The following GALNT13 variants were observed in gnomAD, a reference collection of about 807,000 sequenced individuals.
GALNT13 encodes the protein polypeptide N-acetylgalactosaminyltransferase 13.
In GALNT13, 28 loss-of-function variants were observed where a neutral mutation model predicts 64.2. The observed-to-expected ratio is 0.44, with a 90% CI of 0.32 to 0.60. The LOEUF (loss-of-function observed/expected upper bound fraction) is 0.60. Among genes scored for constraint, GALNT13 ranks in the 20% least tolerant of loss-of-function variants. The pLI is 0.05. For synonymous variants in GALNT13, 214 were observed against 224.6 expected, an observed-to-expected ratio of 0.95 and a Z score of 0.42; for missense variants, 577 against 669.8, an observed-to-expected ratio of 0.86 and a Z score of 1.53.
chr2:154,293,653 C>A (rs1160418775), intron 8 of GALNT13, among the ~76,000 whole-genome samples: 1 of 152,130 alleles, frequency 6.6e-6, no homozygotes, highest in Non-Finnish European at 1.5e-5. Context: ...CACAAGTATA[C>A]ATAGCATGTG....
chr2:153,862,139 A>G, the GALNT13 span, among the ~76,000 whole-genome samples: 1 of 152,180 alleles, frequency 6.6e-6, no homozygotes, highest in Non-Finnish European at 1.5e-5. Context: ...GCAATTACAC[A>G]CTTAGAAAGA....
the GALNT13 span, among the ~76,000 whole-genome samples, chr2:153,075,409 T>G: frequency 1.3e-5 from 2 of 152,200 alleles, no homozygotes; most frequent in African/African-American, 2.4e-5. Context: ...TAATTTACAT[T>G]TGTATCTCAC....
At chr2:154,447,879 G>A (rs1422801580) in intron 12 of GALNT13, among the ~76,000 whole-genome samples, 3 of 151,968 alleles carry the variant, frequency 2.0e-5, no homozygotes, top group Non-Finnish European at 4.4e-5. Flanking sequence ...GATACGTGCA[G>A]TGCCAAAAAA....
At chr2:154,212,262 T>G (rs865819938) in intron 4 of GALNT13, among the ~76,000 whole-genome samples, 1 of 152,026 alleles carries the variant, frequency 6.6e-6, no homozygotes, top group Admixed American at 6.5e-5. Flanking sequence ...TTTTTTTTTT[T>G]GAGACGGAGT....
intron 8 of GALNT13, among the ~76,000 whole-genome samples, chr2:154,275,020 A>G (rs1239546858): frequency 6.6e-6 from 1 of 152,172 alleles, no homozygotes; most frequent in African/African-American, 2.4e-5. Context: ...AGAGAGTGGC[A>G]GCATTTTTTG....
chr2:153,191,240 A>G, the GALNT13 span, among the ~76,000 whole-genome samples: 13 of 151,704 alleles, frequency 8.6e-5, no homozygotes, highest in East Asian at 1.9e-4. Flanking sequence ...ATGCTAAACT[A>G]TCTTCCTTCT....
intron 4 of GALNT13, among the ~76,000 whole-genome samples, chr2:154,149,099 T>C (rs1486610624): frequency 6.6e-6 from 1 of 152,196 alleles, no homozygotes; most frequent in East Asian, 1.9e-4. Context: ...TGCATTAATT[T>C]TTGTATAAGG....
At chr2:153,775,125 G>C in the GALNT13 span, among the ~76,000 whole-genome samples, 1 of 152,124 alleles carries the variant, frequency 6.6e-6, no homozygotes, top group East Asian at 1.9e-4. Flanking sequence ...AGAATAAGTA[G>C]ATAGGAGAGG....
chr2:153,237,675 TG>T, the GALNT13 span, among the ~76,000 whole-genome samples: 1 of 152,106 alleles, frequency 6.6e-6, no homozygotes, highest in African/African-American at 2.4e-5. Context: ...ATTTTTTTAA[TG>T]GCTAAATGGG....
At chr2:154,061,117 T>C (rs942060739) in intron 3 of GALNT13, among the ~76,000 whole-genome samples, 1 of 152,158 alleles carries the variant, frequency 6.6e-6, no homozygotes, top group Non-Finnish European at 1.5e-5. Flanking sequence ...TTACAAAGAA[T>C]ATCCCTATCC....
At chr2:153,155,021 A>C in the GALNT13 span, among the ~76,000 whole-genome samples, 1 of 152,140 alleles carries the variant, frequency 6.6e-6, no homozygotes, top group African/African-American at 2.4e-5. Context: ...TTATGTGATG[A>C]ATCACATTTA....
At chr2:153,190,784 C>A in the GALNT13 span, among the ~76,000 whole-genome samples, 4 of 151,874 alleles carry the variant, frequency 2.6e-5, no homozygotes, top group Non-Finnish European at 4.4e-5. Flanking sequence ...TTGTAGAGGT[C>A]TTTCACATCT....
chr2:153,535,920 C>T, the GALNT13 span, among the ~76,000 whole-genome samples: 10 of 152,182 alleles, frequency 6.6e-5, no homozygotes, highest in East Asian at 5.8e-4. Flanking sequence ...GAAATGACTG[C>T]AGTGGCCTTC....
intron 11 of GALNT13, among the ~76,000 whole-genome samples, chr2:154,434,793 T>C (rs1700873104): frequency 6.6e-6 from 1 of 152,086 alleles, no homozygotes; most frequent in Non-Finnish European, 1.5e-5. Context: ...ACTAAATCCA[T>C]AGGATTCATA....
the GALNT13 span, among the ~76,000 whole-genome samples, chr2:153,813,813 T>TA: frequency 6.6e-6 from 1 of 152,226 alleles, no homozygotes. Context: ...TATTATTTCT[T>TA]ACAATTATAT....
At chr2:153,075,312 G>A in the GALNT13 span, among the ~76,000 whole-genome samples, 1 of 152,104 alleles carries the variant, frequency 6.6e-6, no homozygotes, top group Non-Finnish European at 1.5e-5. Context: ...TGAGTTAGAA[G>A]TTTTTTAAAA....
intron 7 of GALNT13, among the ~76,000 whole-genome samples, chr2:154,250,488 T>A (rs1690013118): frequency 6.6e-6 from 1 of 152,072 alleles, no homozygotes. Flanking sequence ...TCAATTTTTT[T>A]ATCAATTATT....
chr2:154,021,961 A>T (rs1023777854), intron 3 of GALNT13, among the ~76,000 whole-genome samples: 5 of 152,110 alleles, frequency 3.3e-5, no homozygotes, highest in Non-Finnish European at 7.4e-5. Flanking sequence ...TGAGATAATC[A>T]TGTGGTTTTT....
the GALNT13 span, among the ~76,000 whole-genome samples, chr2:153,280,974 C>T: frequency 6.6e-6 from 1 of 152,212 alleles, no homozygotes; most frequent in South Asian, 2.1e-4. Flanking sequence ...TTGAAGTCCC[C>T]CACTATTATT....
Sources: gnomAD v4.1 joint callset for allele counts (sites outside exome capture counted in the v4.1 genomes callset) on GRCh38, gnomAD v4.1.1 for gene constraint, MANE v1.5 for transcripts, NCBI Gene and HGNC (gene_info 2026-07-23, HGNC 2026-07-21) for gene names.